OPCML: variants seen among roughly 807,000 people sequenced by gnomAD.
The protein encoded by OPCML is opioid-binding protein/cell adhesion molecule.
A neutral mutation model predicts 37.8 loss-of-function variants in OPCML; 13 were observed. The observed-to-expected ratio is 0.34, with a 90% CI of 0.22 to 0.55. The LOEUF is 0.55. Among genes scored for constraint, OPCML ranks in the 20% least tolerant of loss-of-function variants. The pLI is 0.91. For synonymous variants in OPCML, 176 were observed against 168.8 expected (o/e 1.04, Z -0.33); for missense variants, 341 against 435.6 (o/e 0.78, Z 1.93).
intron 1 of OPCML, among the ~76,000 whole-genome samples, chr11:133,123,399 G>C (rs774519960): frequency 1.3e-5 from 2 of 152,136 alleles, no homozygotes; most frequent in Non-Finnish European, 2.9e-5. Context: ...ATTTAGATGC[G>C]TATTTGCTGG....
At chr11:132,800,481 C>G (rs1938578064) in intron 2 of OPCML, among the ~76,000 whole-genome samples, 1 of 152,140 alleles carries the variant, frequency 6.6e-6, no homozygotes, top group South Asian at 2.1e-4. Context: ...ACATCCTCAT[C>G]TTGTTTCTGG....
intron 1 of OPCML, among the ~76,000 whole-genome samples, chr11:133,304,634 A>C (rs1942866508): frequency 6.6e-6 from 1 of 152,180 alleles, no homozygotes; most frequent in South Asian, 2.1e-4. Context: ...TTCTTGAAGC[A>C]AAAGTGTGAA....
chr11:133,049,950 C>T (rs1591951352), intron 1 of OPCML, among the ~76,000 whole-genome samples: 1 of 152,218 alleles, frequency 6.6e-6, no homozygotes, highest in Non-Finnish European at 1.5e-5. Flanking sequence ...GATCTAGGTG[C>T]TCCTGTACAA....
chr11:132,840,863 G>T (rs938732424), intron 2 of OPCML, among the ~76,000 whole-genome samples: 2 of 152,068 alleles, frequency 1.3e-5, no homozygotes, highest in African/African-American at 2.4e-5. Context: ...ACACAGCAGC[G>T]CCAGGCCAGG....
chr11:132,485,840 T>C (rs2096198142), intron 4 of OPCML, among the ~76,000 whole-genome samples: 1 of 152,246 alleles, frequency 6.6e-6, no homozygotes, highest in South Asian at 2.1e-4. Context: ...ATAACTATTA[T>C]AAATAAAACA....
At chr11:133,402,045 T>C (rs1945415139) in intron 1 of OPCML, among the ~76,000 whole-genome samples, 1 of 152,186 alleles carries the variant, frequency 6.6e-6, no homozygotes, top group South Asian at 2.1e-4. Flanking sequence ...CAGTGTATCT[T>C]AGTCCATTTT....
At chr11:133,200,715 C>T (rs1938739702) in intron 1 of OPCML, among the ~76,000 whole-genome samples, 1 of 152,136 alleles carries the variant, frequency 6.6e-6, no homozygotes, top group South Asian at 2.1e-4. Flanking sequence ...CAATATTTCC[C>T]ATGTCATTAT....
At chr11:132,536,598 C>A (rs1341857054) in intron 3 of OPCML, among the ~76,000 whole-genome samples, 1 of 152,074 alleles carries the variant, frequency 6.6e-6, no homozygotes, top group East Asian at 1.9e-4. Context: ...ATGTGAAATA[C>A]TTTTCATTAC....
At chr11:132,674,765 G>C (rs1311964617) in intron 2 of OPCML, among the ~76,000 whole-genome samples, 2 of 152,132 alleles carry the variant, frequency 1.3e-5, no homozygotes, top group African/African-American at 4.8e-5. Context: ...CTCTAAGGTG[G>C]AACAGGTAGG....
At chr11:132,871,019 G>C (rs1321836743) in intron 2 of OPCML, among the ~76,000 whole-genome samples, 1 of 152,018 alleles carries the variant, frequency 6.6e-6, no homozygotes, top group African/African-American at 2.4e-5. Context: ...AATGTTTCCT[G>C]TTCCTGAAAA....
intron 2 of OPCML, among the ~76,000 whole-genome samples, chr11:132,940,360 C>T (rs1463259514): frequency 2.6e-5 from 4 of 152,140 alleles, no homozygotes; most frequent in Non-Finnish European, 5.9e-5. Flanking sequence ...AAAGAGCTTT[C>T]GTGTGATGGG....
chr11:133,320,576 C>T (rs1943305675), intron 1 of OPCML, among the ~76,000 whole-genome samples: 2 of 151,678 alleles, frequency 1.3e-5, no homozygotes. Flanking sequence ...CACCACCTCC[C>T]CTTTCATAAA....
Position 132,663,802 on chromosome 11 carries a change from G to A in OPCML, c.147-6483C>T, listed in dbSNP as rs542098522. On this transcript the variant is annotated intron_variant, in intron 2 of 7. Coordinates refer to ENST00000524381, the MANE Select transcript of OPCML (RefSeq NM_001012393.5). Reference sequence around the variant, plus strand: ...AGTGCCACATCCACATTGCAACCTGGGATTTAATGTTGTTTTTTTTGTTTG... The same window carrying A: ...AGTGCCACATCCACATTGCAACCTGAGATTTAATGTTGTTTTTTTTGTTTG... Among the ~76,000 whole-genome samples, 13 of 152,206 alleles carry A rather than the reference G, an allele frequency of 8.5e-5. No individual in the cohort carries two copies. The East Asian group carries it at 2.3e-3, about 27-fold the overall frequency.
intron 1 of OPCML, among the ~76,000 whole-genome samples, chr11:133,271,056 C>T (rs1042035856): frequency 7.9e-5 from 12 of 152,158 alleles, no homozygotes; most frequent in African/African-American, 2.9e-4. Context: ...GCTGATCTAA[C>T]ACAGTAAGAC....
intron 1 of OPCML, chr11:133,006,053 G>A (rs974805977): frequency 1.0e-6 from 1 of 985,328 alleles, no homozygotes; most frequent in East Asian, 1.1e-4. Context: ...CATCCTAAGG[G>A]CGACCGGGAA....
intron 1 of OPCML, among the ~76,000 whole-genome samples, chr11:133,181,047 T>A (rs1321382240): frequency 6.6e-6 from 1 of 152,168 alleles, no homozygotes; most frequent in Non-Finnish European, 1.5e-5. Context: ...AAAAATCCAA[T>A]TCTGCAAACT....
Position 132,823,541 on chromosome 11 carries a change from A to G in OPCML, c.146+119385T>C, listed in dbSNP as rs140614042. 7.2e-5 allele frequency among the ~76,000 whole-genome samples: 11 copies of G among 151,746 alleles called. No individual in the cohort carries two copies. In the East Asian group the frequency reaches 2.1e-3, roughly 29 times the overall value. ...TCAATATACGCTTCTCTGTGGAACCATCCCTATCAGCATCCAAACATCATC... is the reference window on the plus strand; with the variant it reads ...TCAATATACGCTTCTCTGTGGAACCGTCCCTATCAGCATCCAAACATCATC... On this transcript the variant is annotated intron_variant, in intron 2 of 7. Transcript: ENST00000524381.
rs528882405 is a variant in OPCML at position 132,419,292 on chromosome 11, T to C, written c.*901A>G. The C allele has an allele frequency of 6.6e-5, 10 of 152,224 alleles. No individual in the cohort carries two copies. The highest frequency in any genetic ancestry group is 3.9e-4 in the East Asian group (2 of 5,176). 9.4% of individuals were successfully genotyped at this position (152,224 alleles called of 1,614,324 possible). A position where few individuals can be genotyped will look rare whatever the true frequency, so the allele number is the denominator to read the frequency against. On this transcript the variant is annotated 3_prime_UTR_variant, in exon 8 of 8. Transcript: ENST00000524381. The stretch of plus-strand genomic sequence containing the variant: ...CATTGATAGATTGATAAACAGTAAA[T>C]AGATTGCTAGAGAGGAAGACAGGTG...
chr11:132,513,419 A>G (rs771315155), intron 4 of OPCML, among the ~76,000 whole-genome samples: 1 of 152,136 alleles, frequency 6.6e-6, no homozygotes, highest in Non-Finnish European at 1.5e-5. Context: ...TTTTGCTTAC[A>G]TTAATTTTTG....
Sources: gnomAD v4.1 joint callset for allele counts (sites outside exome capture counted in the v4.1 genomes callset) on GRCh38, gnomAD v4.1.1 for gene constraint, MANE v1.5 for transcripts, NCBI Gene and HGNC (gene_info 2026-07-23, HGNC 2026-07-21) for gene names.